The following ANO4 variants were observed in gnomAD, a reference collection of about 807,000 sequenced individuals.
ANO4 encodes anoctamin-4.
ANO4 carries 69 observed loss-of-function variants against 141.9 expected under a neutral mutation model. The observed-to-expected ratio is 0.49, with a 90% CI of 0.40 to 0.59. The LOEUF (loss-of-function observed/expected upper bound fraction) is 0.59, where lower values mean the gene tolerates loss of function less well. Ranked by LOEUF, ANO4 falls within the 20% of genes least tolerant of loss-of-function variation. The probability of loss-of-function intolerance (pLI) is 0.00; values close to 1 mark genes in which losing one functional copy is unlikely to be tolerated. For missense variants in ANO4, 894 were observed against 1,162.2 expected (o/e 0.77, Z 3.36); for synonymous variants, 350 against 394.3 (o/e 0.89, Z 1.33).
At chr12:100,791,434 A>G (rs543628306), upstream of ANO4, among the ~76,000 whole-genome samples, 44 of 152,328 alleles carry the variant, frequency 2.9e-4, no homozygotes, top group African/African-American at 9.9e-4. Context: ...AACAACAAAA[A>G]TGGTAATTAT....
chr12:101,091,022 C>T (rs1187900759), intron 17 of ANO4, among the ~76,000 whole-genome samples: 1 of 152,194 alleles, frequency 6.6e-6, no homozygotes, highest in Admixed American at 6.6e-5. Context: ...AGGCATTTTA[C>T]ATCTTTTGTC....
intron 1 of ANO4, among the ~76,000 whole-genome samples, chr12:100,833,061 C>T (rs141380892): frequency 2.6e-5 from 4 of 152,156 alleles, no homozygotes; most frequent in Admixed American, 6.5e-5. Context: ...AGCTTATTTT[C>T]GCAACGTATT....
At chr12:100,860,397 GTGC>G (rs1428547167) in intron 1 of ANO4, among the ~76,000 whole-genome samples, 1 of 152,166 alleles carries the variant, frequency 6.6e-6, no homozygotes, top group African/African-American at 2.4e-5. Flanking sequence ...GCTGCTTTGT[GTGC>G]TCTCCTTGGT....
At chr12:100,857,326 A>G (rs1217488070) in intron 1 of ANO4, among the ~76,000 whole-genome samples, 1 of 152,198 alleles carries the variant, frequency 6.6e-6, no homozygotes, top group East Asian at 1.9e-4. Context: ...TTTGGATGGT[A>G]TACCTCATTA....
At chr12:100,905,995 A>G (rs889289143) in intron 2 of ANO4, among the ~76,000 whole-genome samples, 9 of 152,196 alleles carry the variant, frequency 5.9e-5, no homozygotes, top group African/African-American at 2.2e-4. Flanking sequence ...AGCCACAGGG[A>G]GAAAGAGAGA....
intron 1 of ANO4, among the ~76,000 whole-genome samples, chr12:100,866,665 G>C (rs894193114): frequency 6.6e-6 from 1 of 152,130 alleles, no homozygotes; most frequent in Non-Finnish European, 1.5e-5. Flanking sequence ...TGTGTTTCCT[G>C]ATAGAAGCAT....
intron 14 of ANO4, among the ~76,000 whole-genome samples, chr12:101,063,670 G>T (rs1173033306): frequency 2.0e-5 from 3 of 149,470 alleles, no homozygotes; most frequent in Non-Finnish European, 4.4e-5. Context: ...TGCCACCTGG[G>T]CCTGGAGTTT....
chr12:100,937,783 T>C (rs1182648496), intron 3 of ANO4, among the ~76,000 whole-genome samples: 4 of 152,130 alleles, frequency 2.6e-5, no homozygotes, highest in Non-Finnish European at 5.9e-5. Context: ...TTTTCTGTCT[T>C]CTAAAAGCCA....
At chr12:100,844,440 G>A (rs1271799996) in intron 1 of ANO4, among the ~76,000 whole-genome samples, 1 of 152,236 alleles carries the variant, frequency 6.6e-6, no homozygotes. Context: ...AAATCTGACT[G>A]GATGTGAGGA....
At chr12:100,728,723 T>C (rs1203158418) in intron 1 of ANO4, among the ~76,000 whole-genome samples, 2 of 152,180 alleles carry the variant, frequency 1.3e-5, no homozygotes, top group African/African-American at 2.4e-5. Flanking sequence ...GGTGTCTAAT[T>C]CCACCACCTT....
rs1436801818 is a variant in ANO4, at chr12:101,037,514, A to G, written c.897+364A>G. Among the ~76,000 whole-genome samples, 7 of 152,208 alleles carry G rather than the reference A, an allele frequency of 4.6e-5. No homozygotes were observed. The South Asian group carries it at 8.3e-4, about 18-fold the overall frequency. ...TAGTCTTTGCAACAAATAAATGTAT[A>G]GCTATTGCTTAAAAGAGTGGGAGGA... On this transcript the variant is annotated intron_variant, in intron 10 of 27. Coordinates refer to ENST00000392977, the MANE Select transcript of ANO4 (RefSeq NM_001286615.2).
At chr12:100,725,737 A>C (rs1159238225) in intron 1 of ANO4, among the ~76,000 whole-genome samples, 1 of 152,242 alleles carries the variant, frequency 6.6e-6, no homozygotes, top group African/African-American at 2.4e-5. Flanking sequence ...AGCAATTATA[A>C]GAATTAGTGA....
At chr12:100,972,949 A>G (rs181984279) in intron 6 of ANO4, among the ~76,000 whole-genome samples, 1 of 152,336 alleles carries the variant, frequency 6.6e-6, no homozygotes, top group Admixed American at 6.5e-5. Context: ...CATGAATAAC[A>G]CTTCTGCATG....
chr12:100,864,657 C>T (rs1162490568), intron 1 of ANO4, among the ~76,000 whole-genome samples: 3 of 152,056 alleles, frequency 2.0e-5, no homozygotes, highest in African/African-American at 7.2e-5. Flanking sequence ...TGTGTGCGTT[C>T]AGTAAAGCAA....
At chr12:100,984,069 C>A (rs1450667536) in intron 7 of ANO4, among the ~76,000 whole-genome samples, 5 of 152,174 alleles carry the variant, frequency 3.3e-5, no homozygotes, top group South Asian at 2.1e-4. Context: ...CACCCTCCAG[C>A]CCCCATGCCC....
At chr12:100,848,283 T>C (rs546187277) in intron 1 of ANO4, among the ~76,000 whole-genome samples, 5 of 152,070 alleles carry the variant, frequency 3.3e-5, no homozygotes, top group African/African-American at 1.2e-4. Context: ...AGCAATTGCA[T>C]TGGGAGGGAG....
intron 2 of ANO4, among the ~76,000 whole-genome samples, chr12:100,910,538 C>G (rs540559106): frequency 1.3e-4 from 20 of 152,122 alleles, no homozygotes; most frequent in African/African-American, 4.3e-4. Flanking sequence ...CCTTTATGGA[C>G]CAAAAATATA....
chr12:100,882,193 C>T (rs2039604483), intron 1 of ANO4, among the ~76,000 whole-genome samples: 1 of 152,152 alleles, frequency 6.6e-6, no homozygotes, highest in Non-Finnish European at 1.5e-5. Flanking sequence ...GTAAATGTTA[C>T]TATTAATCTC....
intron 4 of ANO4, among the ~76,000 whole-genome samples, chr12:100,940,619 T>C (rs565733346): frequency 6.6e-6 from 1 of 152,346 alleles, no homozygotes; most frequent in African/African-American, 2.4e-5. Flanking sequence ...CAAGACATGG[T>C]ACATGGTCAT....
Sources: allele counts gnomAD v4.1 joint callset (sites outside exome capture counted in the v4.1 genomes callset), GRCh38; gene constraint gnomAD v4.1.1; transcripts MANE v1.5; gene names NCBI Gene and HGNC (gene_info 2026-07-23, HGNC 2026-07-21).